PDE8A: variants seen among roughly 807,000 people sequenced by gnomAD.
The protein encoded by PDE8A is high affinity cAMP-specific and IBMX-insensitive 3',5'-cyclic phosphodiesterase 8A.
PDE8A carries 59 observed loss-of-function variants against 105.0 expected under a neutral mutation model. That is an observed-to-expected ratio of 0.56 (90% CI 0.46 to 0.70). The LOEUF is 0.70. Among genes scored for constraint, PDE8A ranks in the 30% least tolerant of loss-of-function variants. PDE8A has a pLI of 0.00. For missense variants in PDE8A, 1,014 were observed against 1,045.9 expected, an observed-to-expected ratio of 0.97 and a Z score of 0.42; for synonymous variants, 355 against 371.9, an observed-to-expected ratio of 0.95 and a Z score of 0.52.
chr15:85,073,699 G>C (rs2081343947), intron 3 of PDE8A, among the ~76,000 whole-genome samples: 1 of 152,270 alleles, frequency 6.6e-6, no homozygotes, highest in South Asian at 2.1e-4. Context: ...AGTGTCACTA[G>C]AAGTGATGAA....
At chr15:85,037,030 A>G (rs1369862938) in intron 1 of PDE8A, among the ~76,000 whole-genome samples, 2 of 151,914 alleles carry the variant, frequency 1.3e-5, no homozygotes, top group African/African-American at 2.4e-5. Context: ...CTTTTCTTCA[A>G]ATGAAGGTTG....
At chr15:85,044,901 C>T (rs1056525835) in intron 1 of PDE8A, among the ~76,000 whole-genome samples, 1 of 152,238 alleles carries the variant, frequency 6.6e-6, no homozygotes, top group Non-Finnish European at 1.5e-5. Flanking sequence ...ATGTCTTGTC[C>T]TGCCTTAGAA....
intron 16 of PDE8A, among the ~76,000 whole-genome samples, chr15:85,116,710 G>T (rs2082102135): frequency 6.6e-6 from 1 of 152,162 alleles, no homozygotes; most frequent in Non-Finnish European, 1.5e-5. Context: ...TGCCCACTAG[G>T]GTGTCTAGGC....
intron 9 of PDE8A, among the ~76,000 whole-genome samples, chr15:85,098,978 A>G (rs528711875): frequency 3.3e-5 from 5 of 152,276 alleles, no homozygotes; most frequent in African/African-American, 9.6e-5. Context: ...AAAAAATAAA[A>G]TATGAGAAAG....
In PDE8A at chr15:85,138,820, C is replaced by A. The variant is rs1167188210; in HGVS notation, c.*917C>A. 1.3e-5 allele frequency: 2 copies of A among 152,262 alleles called. No homozygotes were observed. Among genetic ancestry groups the A allele is most frequent in the African/African-American group, 4.8e-5 (2 of 41,538 alleles). The allele number at this position is 152,262 out of a possible 1,614,324, so 9.4% of individuals were successfully genotyped here. On this transcript the variant is annotated 3_prime_UTR_variant, in exon 22 of 22. Coordinates refer to ENST00000394553, the MANE Select transcript of PDE8A (RefSeq NM_002605.3). ...CGCAAAGAAAAGTTAGGACTTAACA[C>A]TTTTTTCTAAAATTTTATAATTCAA...
chr15:85,090,309 T>G (rs2081620460), intron 7 of PDE8A, among the ~76,000 whole-genome samples: 1 of 152,218 alleles, frequency 6.6e-6, no homozygotes, highest in Admixed American at 6.5e-5. Context: ...AAGGATGTCA[T>G]GAGGACTAAA....
intron 12 of PDE8A, among the ~76,000 whole-genome samples, chr15:85,109,675 C>A (rs1271164892): frequency 6.6e-6 from 1 of 152,214 alleles, no homozygotes; most frequent in East Asian, 1.9e-4. Flanking sequence ...TAGCTGTATA[C>A]ATTCTTTGGC....
intron 1 of PDE8A, among the ~76,000 whole-genome samples, chr15:84,982,936 A>T (rs1050169293): frequency 6.6e-6 from 1 of 152,262 alleles, no homozygotes; most frequent in Non-Finnish European, 1.5e-5. Flanking sequence ...CTGTATTTAA[A>T]GCATATGTAA....
At chr15:85,065,167 T>C (rs67350026) in intron 2 of PDE8A, among the ~76,000 whole-genome samples, 13,429 of 151,990 alleles carry the variant, frequency 0.088, 1,647 homozygotes, top group African/African-American at 0.28. Context: ...TTTTCCAATA[T>C]AAAAAGTAAA....
intron 1 of PDE8A, among the ~76,000 whole-genome samples, chr15:85,021,673 G>T (rs189036963): frequency 2.6e-5 from 4 of 152,162 alleles, no homozygotes; most frequent in African/African-American, 9.7e-5. Flanking sequence ...TCCAATCCAG[G>T]ATCACACATT....
intron 1 of PDE8A, among the ~76,000 whole-genome samples, chr15:85,033,915 G>C (rs1007572666): frequency 6.6e-6 from 1 of 152,102 alleles, no homozygotes; most frequent in African/African-American, 2.4e-5. Flanking sequence ...GAAACAAATA[G>C]TGGAGAAAAC....
chr15:85,137,678 C>CTGTT, intron 21 of PDE8A, 119 bp from the exon 22 acceptor site: 1 of 647,342 alleles, frequency 1.5e-6, no homozygotes, highest in Non-Finnish European at 2.8e-6. Context: ...TTGCCCGGGT[C>CTGTT]TGTTTAGCCT....
chr15:84,999,853 C>T (rs2080039840), intron 1 of PDE8A, among the ~76,000 whole-genome samples: 1 of 152,090 alleles, frequency 6.6e-6, no homozygotes, highest in Non-Finnish European at 1.5e-5. Context: ...GGATTACAGG[C>T]ATGAGCTACT....
chr15:85,045,362 G>A lies in PDE8A; in HGVS notation c.187-19008G>A, dbSNP rs1180558636. On this transcript the variant is annotated intron_variant, in intron 1 of 21. Coordinates refer to ENST00000394553, the MANE Select transcript of PDE8A (RefSeq NM_002605.3). ...CTTTTTCCAGCTAGATACAGATTACGGCCAGGTTATTTTAGACTTTTCCTA... is the reference window on the plus strand; with the variant it reads ...CTTTTTCCAGCTAGATACAGATTACAGCCAGGTTATTTTAGACTTTTCCTA... Among the ~76,000 whole-genome samples, 5 of 152,104 alleles carry A rather than the reference G, an allele frequency of 3.3e-5. No individual in the cohort carries two copies. The South Asian group carries it at 6.2e-4, about 19-fold the overall frequency.
At chr15:85,125,253 G>A (rs1245914758) in intron 19 of PDE8A, among the ~76,000 whole-genome samples, 1 of 152,142 alleles carries the variant, frequency 6.6e-6, no homozygotes, top group Non-Finnish European at 1.5e-5. Flanking sequence ...GGCTTCTTAG[G>A]CTACTGCTAT....
intron 12 of PDE8A, 60 bp from the exon 13 acceptor site, chr15:85,113,317 C>T: frequency 7.2e-7 from 1 of 1,385,080 alleles, no homozygotes; most frequent in South Asian, 1.2e-5. Context: ...GAGCCCTCTG[C>T]TGTCAAGACA....
At chr15:84,992,336 A>G (rs2079899133) in intron 1 of PDE8A, among the ~76,000 whole-genome samples, 2 of 152,106 alleles carry the variant, frequency 1.3e-5, no homozygotes, top group South Asian at 4.2e-4. Context: ...GATGTGGATA[A>G]GTGGAAAATA....
intron 1 of PDE8A, among the ~76,000 whole-genome samples, chr15:85,028,039 C>G (rs762803003): frequency 6.6e-6 from 1 of 152,118 alleles, no homozygotes; most frequent in Non-Finnish European, 1.5e-5. Flanking sequence ...CTGTGGTAAA[C>G]GATGCTGTGG....
At chr15:85,090,136 C>T (rs562536306) in intron 7 of PDE8A, among the ~76,000 whole-genome samples, 68 of 152,240 alleles carry the variant, frequency 4.5e-4, no homozygotes, top group African/African-American at 1.6e-3. Context: ...TGAGAGGCAG[C>T]GTGGGCCAGT....
Sources: allele counts gnomAD v4.1 joint callset (sites outside exome capture counted in the v4.1 genomes callset), GRCh38; gene constraint gnomAD v4.1.1; transcripts MANE v1.5; gene names NCBI Gene and HGNC (gene_info 2026-07-23, HGNC 2026-07-21).